The following ADGRG1 variants were observed in gnomAD, a reference collection of about 807,000 sequenced individuals.
ADGRG1 encodes the protein 7-transmembrane protein with no EGF-like N-terminal domains-1.
In ADGRG1, 53 loss-of-function variants were observed where a neutral mutation model predicts 73.5. The observed-to-expected ratio is 0.72, with a 90% CI of 0.58 to 0.91. The LOEUF is 0.91. Ranked by LOEUF, ADGRG1 falls within the 40% of genes least tolerant of loss-of-function variation. The pLI, the probability that ADGRG1 is intolerant of heterozygous loss-of-function variation, is 0.00. For missense variants in ADGRG1, 795 were observed against 871.8 expected, an observed-to-expected ratio of 0.91 and a Z score of 1.11; for synonymous variants, 394 against 374.4, an observed-to-expected ratio of 1.05 and a Z score of -0.60.
chr16:57,631,095 C>A, intron 1 of ADGRG1: 1 of 966,164 alleles, frequency 1.0e-6, no homozygotes, highest in Non-Finnish European at 1.2e-6. Flanking sequence ...GCCAGGCAGT[C>A]CCAGTCTCTG....
chr16:57,626,552 GGCAGA>G, upstream of ADGRG1: 1 of 981,706 alleles, frequency 1.0e-6, no homozygotes, highest in Non-Finnish European at 1.2e-6. Context: ...GAGAGAGGCA[GGCAGA>G]GCTGGGCAGC....
At chr16:57,629,513 G>A in intron 1 of ADGRG1, 1 of 152,438 alleles carries the variant, frequency 6.6e-6, no homozygotes, top group Non-Finnish European at 1.5e-5. Context: ...GGAGGGGGTG[G>A]CACTTGAGGG....
At chr16:57,632,304 G>A (rs777671637) in intron 1 of ADGRG1, 13 of 985,328 alleles carry the variant, frequency 1.3e-5, no homozygotes, top group Non-Finnish European at 1.6e-5. Context: ...CAGCAAGGGT[G>A]GCTTGCCCAG....
At chr16:57,656,810 G>A (rs2045851112) in intron 9 of ADGRG1, among the ~76,000 whole-genome samples, 193 bp downstream of exon 9, 1 of 152,254 alleles carries the variant, frequency 6.6e-6, no homozygotes, top group Non-Finnish European at 1.5e-5. Context: ...CACACAGCTA[G>A]TCAGTGAAAG....
intron 1 of ADGRG1, chr16:57,636,421 G>A (rs767630620): frequency 5.1e-6 from 5 of 985,190 alleles, no homozygotes; most frequent in Non-Finnish European, 6.0e-6. Context: ...AGTTTGCCTT[G>A]TGTTTCAGAT....
chr16:57,621,948 G>A (rs2034910159), intron 2 of ADGRG1: 1 of 836,694 alleles, frequency 1.2e-6, no homozygotes. Context: ...CCTCTCCACT[G>A]GGGGAATTTG....
At chr16:57,626,578 C>A, upstream of ADGRG1, 3 of 985,332 alleles carry the variant, frequency 3.0e-6, no homozygotes, top group Non-Finnish European at 3.6e-6. Context: ...CAACTCCGCC[C>A]AGCCAGGCAG....
At chr16:57,653,681 C>A in intron 4 of ADGRG1, 2 of 862,310 alleles carry the variant, frequency 2.3e-6, no homozygotes, top group Non-Finnish European at 2.8e-6. Flanking sequence ...GGGCCCAAAC[C>A]CATGGTGCTG....
intron 5 of ADGRG1, 77 bp downstream of exon 5, chr16:57,654,210 C>A: frequency 6.9e-7 from 1 of 1,450,070 alleles, no homozygotes; most frequent in Non-Finnish European, 9.4e-7. Context: ...TGAGCACTCC[C>A]TGAAGCTCAG....
chr16:57,649,803 G>A (rs1189627958), intron 1 of ADGRG1, among the ~76,000 whole-genome samples: 1 of 151,680 alleles, frequency 6.6e-6, no homozygotes, highest in African/African-American at 2.4e-5. Context: ...TTTAAAGCAG[G>A]GTCTCACTCT....
At chr16:57,629,175 G>T (rs937126721) in intron 1 of ADGRG1, 24 of 984,964 alleles carry the variant, frequency 2.4e-5, no homozygotes, top group Non-Finnish European at 2.9e-5. Flanking sequence ...AAATGGGGGG[G>T]TCTTGGTATC....
Position 57,635,704 on chromosome 16 carries a change from C to G in ADGRG1, c.-36+6902C>G, listed in dbSNP as rs1165943324. Reference sequence around the variant, plus strand: ...TCAGCCCCTCTGAGCCTCCCTTTCCCTCTCTATGGAGTAGCTGCTGCCGAC... The same window carrying G: ...TCAGCCCCTCTGAGCCTCCCTTTCCGTCTCTATGGAGTAGCTGCTGCCGAC... On this transcript the variant is annotated intron_variant, in intron 1 of 13. Transcript: ENST00000562631. 3.0e-6 allele frequency: 3 copies of G among 985,264 alleles called. No homozygotes were observed. The African/African-American group carries it at 5.2e-5, about 17-fold the overall frequency. The allele number at this position is 985,264 out of a possible 1,614,324, so 61.0% of individuals were successfully genotyped here.
At chr16:57,645,870 T>A (rs2042510698) in intron 1 of ADGRG1, 1 of 152,222 alleles carries the variant, frequency 6.6e-6, no homozygotes, top group Non-Finnish European at 1.5e-5. Context: ...CATGCGTTAA[T>A]TTTGGCAAGG....
intron 1 of ADGRG1, among the ~76,000 whole-genome samples, chr16:57,639,034 C>T (rs1280528852): frequency 6.6e-6 from 1 of 151,358 alleles, no homozygotes; most frequent in Non-Finnish European, 1.5e-5. Flanking sequence ...CACGCCACTG[C>T]ACTCCAGCCT....
intron 1 of ADGRG1, 113 bp from the exon 2 acceptor site, chr16:57,650,140 T>A: frequency 6.5e-7 from 1 of 1,532,192 alleles, no homozygotes; most frequent in Non-Finnish European, 8.8e-7. Context: ...TTTTCCACAC[T>A]TGCTTCCCCA....
At chr16:57,654,422 GT>G (rs200720786) in intron 5 of ADGRG1, among the ~76,000 whole-genome samples, 20 of 115,116 alleles carry the variant, frequency 1.7e-4, no homozygotes, top group East Asian at 3.0e-4. Flanking sequence ...CCCCCCCCCC[GT>G]TTTTTTTTTT....
intron 1 of ADGRG1, chr16:57,644,199 C>G (rs892406325): frequency 3.0e-6 from 3 of 985,076 alleles, no homozygotes; most frequent in South Asian, 9.4e-5. Context: ...CCCATGCATC[C>G]CTGTGTATGC....
chr16:57,628,979 A>AGTGT (rs1567669468), intron 1 of ADGRG1, 177 bp downstream of exon 1: 1 of 293,980 alleles, frequency 3.4e-6, no homozygotes, highest in Non-Finnish European at 4.0e-6. Flanking sequence ...AGTGTGTGAG[A>AGTGT]GTGAGTGAGA....
At chr16:57,659,201 CCT>C (rs2046456568) in intron 10 of ADGRG1, 1 of 985,240 alleles carries the variant, frequency 1.0e-6, no homozygotes, top group African/African-American at 1.7e-5. Context: ...GCACGTGGTG[CCT>C]GAGTCTGTGG....
Sources: gnomAD v4.1 joint callset for allele counts (sites outside exome capture counted in the v4.1 genomes callset) on GRCh38, gnomAD v4.1.1 for gene constraint, MANE v1.5 for transcripts, NCBI Gene and HGNC (gene_info 2026-07-23, HGNC 2026-07-21) for gene names.